ZDHHC11B: variants seen among roughly 807,000 people sequenced by gnomAD.
The protein encoded by ZDHHC11B is probable palmitoyltransferase ZDHHC11B.
Under a neutral mutation model 42.3 loss-of-function variants are expected in ZDHHC11B, and 17 were observed. The observed-to-expected ratio is 0.40, with a 90% CI of 0.27 to 0.60. The LOEUF is 0.60. ZDHHC11B is among the 20% of genes least tolerant of loss of function. ZDHHC11B has a pLI of 0.41. For synonymous variants in ZDHHC11B, 123 were observed against 193.5 expected (o/e 0.64, Z 3.02); for missense variants, 262 against 463.2 (o/e 0.57, Z 3.99).
chr5:725,402 C>T (rs1483180341), intron 12 of ZDHHC11B, among the ~76,000 whole-genome samples: 2 of 135,452 alleles, frequency 1.5e-5, no homozygotes, highest in Non-Finnish European at 3.2e-5. Context: ...TGTTTGTTGC[C>T]TAAGCCCCCG....
intron 2 of ZDHHC11B, 108 bp from the exon 3 acceptor site, chr5:767,632 A>G: frequency 1.2e-6 from 1 of 865,478 alleles, no homozygotes; most frequent in Non-Finnish European, 1.7e-6. Context: ...GCTGGCAGCC[A>G]GCACCCCAGT....
At chr5:777,521 C>A (rs1432552270) in intron 1 of ZDHHC11B, among the ~76,000 whole-genome samples, 1 of 151,894 alleles carries the variant, frequency 6.6e-6, no homozygotes, top group Non-Finnish European at 1.5e-5. Flanking sequence ...AACAAACTTT[C>A]CACAGCGGAG....
intron 12 of ZDHHC11B, among the ~76,000 whole-genome samples, chr5:722,024 G>T (rs1157733657): frequency 6.6e-6 from 1 of 151,720 alleles, no homozygotes; most frequent in African/African-American, 2.4e-5. Flanking sequence ...ATAGAGGGAA[G>T]AATGAAGTTA....
intron 1 of ZDHHC11B, among the ~76,000 whole-genome samples, chr5:783,314 G>A (rs1736993291): frequency 6.6e-6 from 1 of 152,286 alleles, no homozygotes; most frequent in South Asian, 2.1e-4. Context: ...CCCAGTTCAA[G>A]GCGCCGGCAT....
intron 13 of ZDHHC11B, among the ~76,000 whole-genome samples, 157 bp from the exon 14 acceptor site, chr5:712,439 G>A (rs1244511323): frequency 1.5e-4 from 22 of 146,634 alleles, no homozygotes; most frequent in African/African-American, 5.6e-4. Context: ...TAGACACAGA[G>A]CCCCACTCCC....
At chr5:783,397 C>G (rs1403554460) in intron 1 of ZDHHC11B, among the ~76,000 whole-genome samples, 11 of 152,352 alleles carry the variant, frequency 7.2e-5, no homozygotes, top group Admixed American at 4.6e-4. Flanking sequence ...TCTCCTAGTC[C>G]CAGGCCACAG....
chr5:760,073 A>C (rs865928506), intron 4 of ZDHHC11B, among the ~76,000 whole-genome samples: 22 of 151,900 alleles, frequency 1.4e-4, no homozygotes, highest in Middle Eastern at 3.4e-3. Context: ...AGTGGGGGGT[A>C]CAGGGGAGCC....
chr5:776,295 C>T (rs1360712471), intron 1 of ZDHHC11B, among the ~76,000 whole-genome samples: 2 of 151,892 alleles, frequency 1.3e-5, no homozygotes, highest in Admixed American at 6.6e-5. Context: ...CCACAGGTCC[C>T]ACCTTGGCAC....
intron 1 of ZDHHC11B, among the ~76,000 whole-genome samples, chr5:777,006 T>C (rs958060777): frequency 2.6e-5 from 4 of 151,848 alleles, no homozygotes; most frequent in Admixed American, 2.0e-4. Flanking sequence ...TCCGTGCCTT[T>C]CCCCCTGCAG....
At chr5:778,846 C>A (rs1374640910) in intron 1 of ZDHHC11B, among the ~76,000 whole-genome samples, 1 of 151,920 alleles carries the variant, frequency 6.6e-6, no homozygotes, top group African/African-American at 2.4e-5. Flanking sequence ...AAAATCCACG[C>A]TGGAACCTAA....
At chr5:720,109 G>T (rs1201143141) in intron 12 of ZDHHC11B, among the ~76,000 whole-genome samples, 2 of 151,760 alleles carry the variant, frequency 1.3e-5, no homozygotes, top group African/African-American at 4.9e-5. Flanking sequence ...TCTATTTAAA[G>T]AAATAATGGC....
At chr5:741,123 T>G (rs1257773579) in intron 10 of ZDHHC11B, among the ~76,000 whole-genome samples, 1 of 127,728 alleles carries the variant, frequency 7.8e-6, no homozygotes, top group Non-Finnish European at 1.7e-5. Flanking sequence ...AAACCCTGTT[T>G]GTGAAGCCAG....
At chr5:762,788 G>A (rs1265273061) in intron 4 of ZDHHC11B, among the ~76,000 whole-genome samples, 1 of 149,730 alleles carries the variant, frequency 6.7e-6, no homozygotes, top group Non-Finnish European at 1.5e-5. Context: ...GTCAGTTGAA[G>A]GAAGTAGTAA....
At chr5:760,378 G>C (rs1301565984) in intron 4 of ZDHHC11B, among the ~76,000 whole-genome samples, 1 of 151,702 alleles carries the variant, frequency 6.6e-6, no homozygotes, top group African/African-American at 2.4e-5. Flanking sequence ...AACGGCAGCA[G>C]ACACACGCAG....
chr5:771,021 A>G lies in ZDHHC11B; in HGVS notation c.-229-2091T>C, dbSNP rs1353465187. 4.6e-5 allele frequency among the ~76,000 whole-genome samples: 7 copies of G among 151,896 alleles called. 1 individual carries two copies. Among genetic ancestry groups the G allele is most frequent in the Non-Finnish European group, 2.9e-5 (2 of 67,910 alleles). On this transcript the variant is annotated intron_variant, in intron 1 of 13. Coordinates refer to ENST00000508859, the MANE Select transcript of ZDHHC11B (RefSeq NM_001351303.2). Reference sequence around the variant, plus strand: ...GACTCAAGGCTGAGGTGCTGGACTCAGGGCATGAAAGCTGCTTCCCAAAGG... The same window carrying G: ...GACTCAAGGCTGAGGTGCTGGACTCGGGGCATGAAAGCTGCTTCCCAAAGG...
In ZDHHC11B at chr5:717,396, A is replaced by G. The variant is rs1227556726; in HGVS notation, c.1059-531T>C. Among the ~76,000 whole-genome samples the G allele has an allele frequency of 5.9e-5, 9 of 151,886 alleles. No homozygotes were observed. In the South Asian group the frequency reaches 1.9e-3, roughly 32 times the overall value. ...TGCTGGGCAGCTGGCAGGAGAGGTG[A>G]CCGTGTTGCTGCCCAGACTTTCCAG... On this transcript the variant is annotated intron_variant, in intron 12 of 13. Transcript: ENST00000508859.
chr5:765,570 A>G (rs1735165910), intron 4 of ZDHHC11B, among the ~76,000 whole-genome samples: 1 of 151,938 alleles, frequency 6.6e-6, no homozygotes, highest in African/African-American at 2.4e-5. Context: ...AGGGAATAAA[A>G]GCAGGCTGCT....
Position 753,415 on chromosome 5 carries a change from C to T in ZDHHC11B, c.503+1583G>A, listed in dbSNP as rs1211020690. 4.6e-5 allele frequency among the ~76,000 whole-genome samples: 6 copies of T among 131,178 alleles called. 1 individual carries two copies. The highest frequency in any genetic ancestry group is 7.5e-5 in the African/African-American group (3 of 40,120). 86.1% of individuals were successfully genotyped at this position (131,178 alleles called of 152,430 possible). A position where few individuals can be genotyped will look rare whatever the true frequency, so the allele number is the denominator to read the frequency against. On this transcript the variant is annotated intron_variant, in intron 6 of 13. Transcript: ENST00000508859. ...CTGCTCTCCTGATGCCCCTTTCCCA[C>T]ACACAGGCGGTGTCTACACTTGGCA...
At chr5:766,105 G>A (rs1188519113) in intron 4 of ZDHHC11B, among the ~76,000 whole-genome samples, 1 of 151,870 alleles carries the variant, frequency 6.6e-6, no homozygotes, top group African/African-American at 2.4e-5. Context: ...TGGAGGTAGT[G>A]CAGAGCCCAC....
Sources: gnomAD v4.1 joint callset for allele counts (sites outside exome capture counted in the v4.1 genomes callset) on GRCh38, gnomAD v4.1.1 for gene constraint, MANE v1.5 for transcripts, NCBI Gene and HGNC (gene_info 2026-07-23, HGNC 2026-07-21) for gene names.